The following ZNG1E variants were observed in gnomAD, a reference collection of about 807,000 sequenced individuals.
The protein encoded by ZNG1E is Zn regulated GTPase metalloprotein activator 1E, also known as zinc-regulated GTPase metalloprotein activator 1E.
the ZNG1E span, among the ~76,000 whole-genome samples, chr9:65,673,546 T>C: frequency 6.6e-6 from 1 of 152,150 alleles, no homozygotes; most frequent in Non-Finnish European, 1.5e-5. Context: ...TTGGTCAACC[T>C]GACTGAGCTG....
chr9:65,659,869 G>C, the ZNG1E span, among the ~76,000 whole-genome samples: 1 of 151,306 alleles, frequency 6.6e-6, no homozygotes, highest in South Asian at 2.1e-4. Context: ...TAAGACTTTA[G>C]GGATATGTTG....
the ZNG1E span, among the ~76,000 whole-genome samples, chr9:65,658,764 G>C: frequency 9.0e-6 from 1 of 111,684 alleles, no homozygotes; most frequent in South Asian, 2.5e-4. Context: ...CGAGGTGACA[G>C]CAGTTTCGTT....
the ZNG1E span, among the ~76,000 whole-genome samples, chr9:65,685,037 A>G: frequency 7.5e-6 from 1 of 133,890 alleles, no homozygotes; most frequent in Non-Finnish European, 1.6e-5. Flanking sequence ...ATGAGACCCC[A>G]TTTCTTAAAA....
chr9:65,713,975 C>T, the ZNG1E span, among the ~76,000 whole-genome samples: 3,201 of 135,290 alleles, frequency 0.024, 3 homozygotes, highest in Admixed American at 0.044. Context: ...CCATTCTCCC[C>T]GTCACTTTCA....
At chr9:65,674,628 G>C in the ZNG1E span, among the ~76,000 whole-genome samples, 2 of 152,178 alleles carry the variant, frequency 1.3e-5, no homozygotes, top group African/African-American at 4.8e-5. Context: ...TCACAATGAA[G>C]TCTTCTTTTG....
chr9:65,660,609 A>G, the ZNG1E span, among the ~76,000 whole-genome samples: 3 of 151,934 alleles, frequency 2.0e-5, no homozygotes, highest in Non-Finnish European at 4.4e-5. Flanking sequence ...AAGGCTAAAT[A>G]AACAAACTCA....
the ZNG1E span, among the ~76,000 whole-genome samples, chr9:65,663,350 G>A: frequency 1.3e-5 from 2 of 151,624 alleles, no homozygotes; most frequent in African/African-American, 4.8e-5. Flanking sequence ...AATTAAATTT[G>A]TCCACTTAAG....
chr9:65,665,077 A>C, the ZNG1E span, among the ~76,000 whole-genome samples: 1 of 152,270 alleles, frequency 6.6e-6, no homozygotes, highest in Non-Finnish European at 1.5e-5. Flanking sequence ...TTGCAGCCTG[A>C]CAATGTGCTA....
the ZNG1E span, among the ~76,000 whole-genome samples, chr9:65,680,508 A>G: frequency 6.6e-6 from 1 of 151,910 alleles, no homozygotes; most frequent in South Asian, 2.1e-4. Context: ...TTCATGTTTC[A>G]TTAATGTTCT....
the ZNG1E span, among the ~76,000 whole-genome samples, chr9:65,687,744 T>C: frequency 8.3e-4 from 126 of 150,960 alleles, no homozygotes; most frequent in South Asian, 0.026. Flanking sequence ...TTGGGACATC[T>C]AGTGTTACTG....
chr9:65,666,977 C>G, the ZNG1E span, among the ~76,000 whole-genome samples: 1 of 151,560 alleles, frequency 6.6e-6, no homozygotes, highest in Non-Finnish European at 1.5e-5. Context: ...TGTGCTATCA[C>G]ACTCGGCAGA....
the ZNG1E span, among the ~76,000 whole-genome samples, chr9:65,659,545 T>A: frequency 1.3e-5 from 2 of 150,816 alleles, no homozygotes; most frequent in African/African-American, 4.9e-5. Flanking sequence ...CCCAGAATTC[T>A]CAACTTCACT....
At chr9:65,676,942 C>T in the ZNG1E span, among the ~76,000 whole-genome samples, 2 of 142,652 alleles carry the variant, frequency 1.4e-5, no homozygotes, top group African/African-American at 5.5e-5. Flanking sequence ...ATACTGTTTC[C>T]GGGAAATAAT....
At chr9:65,717,680 C>G in the ZNG1E span, among the ~76,000 whole-genome samples, 1 of 149,324 alleles carries the variant, frequency 6.7e-6, no homozygotes, top group Non-Finnish European at 1.5e-5. Flanking sequence ...TGAAATTTGC[C>G]TTTCATTTTT....
At chr9:65,659,509 A>G in the ZNG1E span, among the ~76,000 whole-genome samples, 1 of 151,100 alleles carries the variant, frequency 6.6e-6, no homozygotes, top group East Asian at 1.9e-4. Flanking sequence ...AAAAAAAAAA[A>G]AAAAAGAGAG....
chr9:65,690,100 A>C, the ZNG1E span, among the ~76,000 whole-genome samples: 24 of 126,910 alleles, frequency 1.9e-4, no homozygotes, highest in African/African-American at 6.3e-4. Flanking sequence ...AACAGCTGAC[A>C]GGTATTTCAT....
At chr9:65,660,597 C>T in the ZNG1E span, among the ~76,000 whole-genome samples, 3 of 151,936 alleles carry the variant, frequency 2.0e-5, no homozygotes, top group East Asian at 5.8e-4. Context: ...CTTTACTTTA[C>T]TAAGGCTAAA....
chr9:65,726,579 G>A, the ZNG1E span, among the ~76,000 whole-genome samples: 1 of 37,740 alleles, frequency 2.6e-5, no homozygotes, highest in African/African-American at 8.2e-5. Flanking sequence ...GGAAATAATG[G>A]ACATACTTAT....
chr9:65,671,380 G>A, the ZNG1E span, among the ~76,000 whole-genome samples: 1 of 151,950 alleles, frequency 6.6e-6, no homozygotes, highest in South Asian at 2.1e-4. Context: ...GAGTGCAGTG[G>A]CACAATCTTG....
Sources: gnomAD v4.1 joint callset for allele counts (sites outside exome capture counted in the v4.1 genomes callset) on GRCh38, gnomAD v4.1.1 for gene constraint, MANE v1.5 for transcripts, NCBI Gene and HGNC (gene_info 2026-07-23, HGNC 2026-07-21) for gene names.